HNF4G: variants seen among roughly 807,000 people sequenced by gnomAD.
HNF4G encodes the protein hepatocyte nuclear factor 4-gamma.
Under a neutral mutation model 50.9 loss-of-function variants are expected in HNF4G, and 21 were observed. That is an observed-to-expected ratio of 0.41 (90% CI 0.29 to 0.59). The LOEUF is 0.59. Among genes scored for constraint, HNF4G ranks in the 20% least tolerant of loss-of-function variants. The pLI, the probability that HNF4G is intolerant of heterozygous loss-of-function variation, is 0.26. For missense variants in HNF4G, 527 were observed against 559.4 expected (o/e 0.94, Z 0.58); for synonymous variants, 198 against 185.6 (o/e 1.07, Z -0.54).
At chr8:75,467,691 C>A (rs1585869562) in intron 1 of HNF4G, among the ~76,000 whole-genome samples, 1 of 151,740 alleles carries the variant, frequency 6.6e-6, no homozygotes, top group African/African-American at 2.4e-5. Flanking sequence ...TTTATATTAG[C>A]AAACAGCACA....
intron 1 of HNF4G, among the ~76,000 whole-genome samples, chr8:75,409,303 G>T (rs1247780063): frequency 1.3e-5 from 2 of 151,976 alleles, no homozygotes; most frequent in Non-Finnish European, 2.9e-5. Context: ...TTTCCAAAGT[G>T]CTTTATGAAG....
intron 1 of HNF4G, among the ~76,000 whole-genome samples, chr8:75,423,272 C>G (rs1474955726): frequency 6.6e-6 from 1 of 151,368 alleles, no homozygotes; most frequent in Non-Finnish European, 1.5e-5. Flanking sequence ...TAGCTCTGCC[C>G]TTAATAACAT....
chr8:75,490,641 G>A (rs561122252), intron 2 of HNF4G, among the ~76,000 whole-genome samples: 1 of 152,148 alleles, frequency 6.6e-6, no homozygotes, highest in Non-Finnish European at 1.5e-5. Flanking sequence ...CACTTATGTG[G>A]TAGAGTCAAT....
In HNF4G at chr8:75,481,200, C is replaced by T. The variant is rs915107823; in HGVS notation, c.-143-8889C>T. ...CATAAAGTAAAGGTTTGAAAAGCCC[C>T]TGGACTATATTACATCTGAAATTTC... On this transcript the variant is annotated intron_variant, in intron 1 of 10. Coordinates refer to the HNF4G transcript ENST00000354370. Among the ~76,000 whole-genome samples the T allele has an allele frequency of 3.9e-5, 6 of 152,136 alleles. No homozygotes were observed. The East Asian group carries it at 1.2e-3, about 29-fold the overall frequency.
At chr8:75,511,414 G>T (rs546887053) in intron 2 of HNF4G, among the ~76,000 whole-genome samples, 2 of 152,142 alleles carry the variant, frequency 1.3e-5, no homozygotes, top group South Asian at 4.1e-4. Flanking sequence ...AATTATCCTG[G>T]CCTCCTTGGG....
intron 9 of HNF4G, among the ~76,000 whole-genome samples, chr8:75,563,221 C>G (rs965414499): frequency 2.0e-5 from 3 of 152,144 alleles, no homozygotes; most frequent in South Asian, 4.1e-4. Context: ...CTAAAAATTA[C>G]AGAATAACTC....
At chr8:75,531,936 G>A (rs1449497748) in intron 2 of HNF4G, among the ~76,000 whole-genome samples, 1 of 151,676 alleles carries the variant, frequency 6.6e-6, no homozygotes, top group Non-Finnish European at 1.5e-5. Flanking sequence ...TTTTATCTCC[G>A]GATACTATTT....
At chr8:75,466,279 T>C (rs1811968632) in intron 1 of HNF4G, among the ~76,000 whole-genome samples, 1 of 152,180 alleles carries the variant, frequency 6.6e-6, no homozygotes, top group Non-Finnish European at 1.5e-5. Context: ...CAACAAGCAA[T>C]GACTGCCTCT....
At chr8:75,452,815 C>T (rs1226752412) in intron 1 of HNF4G, among the ~76,000 whole-genome samples, 1 of 152,122 alleles carries the variant, frequency 6.6e-6, no homozygotes, top group Non-Finnish European at 1.5e-5. Context: ...AGCCTATGCT[C>T]TTCACTATTA....
intron 1 of HNF4G, among the ~76,000 whole-genome samples, chr8:75,430,602 A>G (rs1376621460): frequency 6.6e-6 from 1 of 152,150 alleles, no homozygotes; most frequent in African/African-American, 2.4e-5. Context: ...AAGAAAATTC[A>G]TAACTTCTCC....
chr8:75,531,242 C>A (rs1339572405), intron 2 of HNF4G, among the ~76,000 whole-genome samples: 3 of 152,080 alleles, frequency 2.0e-5, no homozygotes, highest in Non-Finnish European at 4.4e-5. Context: ...TAGAAGAATT[C>A]TCTCTTGATG....
upstream of HNF4G, among the ~76,000 whole-genome samples, chr8:75,535,109 G>A (rs1370309861): frequency 2.0e-5 from 3 of 151,590 alleles, no homozygotes; most frequent in Admixed American, 6.6e-5. Context: ...CATAATCTGG[G>A]CTTTAGGAAA....
chr8:75,544,013 T>C (rs755844753), intron 2 of HNF4G, 34 bp downstream of exon 2: 26 of 1,526,280 alleles, frequency 1.7e-5, no homozygotes, highest in Non-Finnish European at 2.7e-6. Context: ...AAGTTATCTT[T>C]ACAGATGTTT....
intron 5 of HNF4G, among the ~76,000 whole-genome samples, chr8:75,555,027 G>A (rs1563553436): frequency 6.6e-6 from 1 of 152,182 alleles, no homozygotes; most frequent in South Asian, 2.1e-4. Flanking sequence ...CATGAGGGCT[G>A]GGAGGCAAAG....
chr8:75,453,326 C>T (rs938555399), intron 1 of HNF4G, among the ~76,000 whole-genome samples: 16 of 151,988 alleles, frequency 1.1e-4, no homozygotes, highest in African/African-American at 3.6e-4. Context: ...AGTCAGTGCT[C>T]TGTAGCTAGC....
intron 2 of HNF4G, among the ~76,000 whole-genome samples, chr8:75,525,919 A>C (rs1806166174): frequency 6.6e-6 from 1 of 152,192 alleles, no homozygotes; most frequent in Non-Finnish European, 1.5e-5. Context: ...CAAACAAAAA[A>C]GGGAGTTGTC....
rs776904931 is a variant in HNF4G at position 75,558,781 on chromosome 8, C to G, written c.887-20C>G. 2.5e-6 allele frequency: 4 copies of G among 1,599,174 alleles called. No homozygotes were observed. The highest frequency in any genetic ancestry group is 3.4e-6 in the Non-Finnish European group (4 of 1,166,440). On this transcript the variant is annotated intron_variant, in intron 7 of 9. Transcript: ENST00000396423. The stretch of plus-strand genomic sequence containing the variant: ...TAATTAGGTTAAATCTGTACACTGC[C>G]TCTCTTATTCCTTTGTTAGATGCAA...
intron 1 of HNF4G, 63 bp from the exon 2 acceptor site, chr8:75,543,748 G>T: frequency 2.2e-6 from 3 of 1,353,384 alleles, no homozygotes; most frequent in Non-Finnish European, 3.1e-6. Context: ...TAAATAATTA[G>T]TAGGACAATT....
At chr8:75,408,238 GAAGGA>G (rs903558538) in intron 1 of HNF4G, 5 of 125,390 alleles carry the variant, frequency 4.0e-5, no homozygotes, top group African/African-American at 6.3e-5. Flanking sequence ...AAGAAAGAGA[GAAGGA>G]GAGAGAGAGA....
Sources: allele counts gnomAD v4.1 joint callset (sites outside exome capture counted in the v4.1 genomes callset), GRCh38; gene constraint gnomAD v4.1.1; transcripts MANE v1.5; gene names NCBI Gene and HGNC (gene_info 2026-07-23, HGNC 2026-07-21).